Variants in RIN2 observed in about 807,000 individuals in gnomAD.
RIN2 encodes Ras and Rab interactor 2.
In RIN2, 36 loss-of-function variants were observed where a neutral mutation model predicts 78.0. That is an observed-to-expected ratio of 0.46 (90% CI 0.35 to 0.61). The LOEUF is 0.61. Ranked by LOEUF, RIN2 falls within the 20% of genes least tolerant of loss-of-function variation. The probability of loss-of-function intolerance (pLI) is 0.00; values close to 1 mark genes in which losing one functional copy is unlikely to be tolerated. For synonymous variants in RIN2, 466 were observed against 466.8 expected, an observed-to-expected ratio of 1.00 and a Z score of 0.02; for missense variants, 1,087 against 1,159.7, an observed-to-expected ratio of 0.94 and a Z score of 0.91.
At chr20:19,957,363 G>A (rs184670953) in intron 5 of RIN2, among the ~76,000 whole-genome samples, 6 of 152,162 alleles carry the variant, frequency 3.9e-5, no homozygotes, top group Non-Finnish European at 7.3e-5. Context: ...ACCACTCCAC[G>A]ACTTGTGGAA....
chr20:19,776,003 C>T (rs2034296666), intron 1 of RIN2, among the ~76,000 whole-genome samples: 1 of 152,220 alleles, frequency 6.6e-6, no homozygotes, highest in South Asian at 2.1e-4. Flanking sequence ...CTTACCCAGG[C>T]GTTCTCTGGC....
At chr20:19,981,995 C>T (rs2235894) in intron 9 of RIN2, among the ~76,000 whole-genome samples, 62,479 of 152,060 alleles carry the variant, frequency 0.41, 16,116 homozygotes, top group African/African-American at 0.72. Context: ...AGGAAGAATT[C>T]TCTGTTAAAC....
intron 1 of RIN2, among the ~76,000 whole-genome samples, chr20:19,778,069 T>C (rs543064789): frequency 3.1e-4 from 47 of 152,346 alleles, no homozygotes; most frequent in Middle Eastern, 3.4e-3. Flanking sequence ...TTCATTTGCT[T>C]GGGAAGGAAA....
At chr20:19,922,522 G>C (rs565350709) in intron 3 of RIN2, among the ~76,000 whole-genome samples, 1 of 152,212 alleles carries the variant, frequency 6.6e-6, no homozygotes, top group East Asian at 1.9e-4. Context: ...AAAGGTCCAA[G>C]ATAAAAAAGG....
At chr20:19,911,450 A>G (rs552057000) in intron 3 of RIN2, among the ~76,000 whole-genome samples, 39 of 152,316 alleles carry the variant, frequency 2.6e-4, no homozygotes, top group African/African-American at 8.2e-4. Flanking sequence ...CATTGGAGAC[A>G]CACCTGCGAC....
At chr20:19,831,151 A>T (rs945637113) in intron 2 of RIN2, among the ~76,000 whole-genome samples, 2 of 152,218 alleles carry the variant, frequency 1.3e-5, no homozygotes, top group Non-Finnish European at 2.9e-5. Flanking sequence ...CCACCCTCCC[A>T]GGGCACCCAA....
intron 2 of RIN2, among the ~76,000 whole-genome samples, chr20:19,876,176 C>T (rs1045648125): frequency 7.2e-5 from 11 of 152,196 alleles, no homozygotes; most frequent in African/African-American, 2.7e-4. Flanking sequence ...AAGCAGACTC[C>T]ACAAACCCTT....
chr20:19,836,108 G>A (rs940711676), intron 2 of RIN2, among the ~76,000 whole-genome samples: 1 of 152,170 alleles, frequency 6.6e-6, no homozygotes, highest in African/African-American at 2.4e-5. Context: ...ACAGAGCAGT[G>A]GTCTGAGCTC....
chr20:19,962,279 G>A (rs989761172), intron 6 of RIN2, among the ~76,000 whole-genome samples: 12 of 150,776 alleles, frequency 8.0e-5, no homozygotes, highest in Admixed American at 2.6e-4. Flanking sequence ...GAGCCAGACC[G>A]TGTCTTAAAA....
At chr20:19,875,765 T>G (rs1320435626) in intron 2 of RIN2, among the ~76,000 whole-genome samples, 1 of 151,854 alleles carries the variant, frequency 6.6e-6, no homozygotes, top group Non-Finnish European at 1.5e-5. Context: ...CCCAGCAGAA[T>G]GTGTCCTTTG....
chr20:19,827,455 GCTT>G, intron 2 of RIN2, among the ~76,000 whole-genome samples: 1 of 152,202 alleles, frequency 6.6e-6, no homozygotes, highest in Non-Finnish European at 1.5e-5. Flanking sequence ...GGAGCCCACA[GCTT>G]CATAGCTGGA....
intron 3 of RIN2, among the ~76,000 whole-genome samples, chr20:19,928,529 G>A (rs1170548670): frequency 1.3e-5 from 2 of 152,160 alleles, no homozygotes; most frequent in Non-Finnish European, 2.9e-5. Flanking sequence ...TTACAAAATG[G>A]TACAAATTAC....
chr20:19,783,700 A>G (rs1339835414), intron 1 of RIN2, among the ~76,000 whole-genome samples: 2 of 152,130 alleles, frequency 1.3e-5, no homozygotes, highest in Non-Finnish European at 2.9e-5. Flanking sequence ...TATGGAGTGT[A>G]TTATCAATAA....
At chr20:19,839,795 C>T (rs1388918092) in intron 2 of RIN2, among the ~76,000 whole-genome samples, 1 of 152,160 alleles carries the variant, frequency 6.6e-6, no homozygotes, top group Non-Finnish European at 1.5e-5. Context: ...ATCTAAAACA[C>T]TTGGCTTCAA....
At chr20:19,915,586 G>C (rs1200095507) in intron 3 of RIN2, among the ~76,000 whole-genome samples, 1 of 152,222 alleles carries the variant, frequency 6.6e-6, no homozygotes, top group East Asian at 1.9e-4. Flanking sequence ...TGTCTCAGCA[G>C]ATGTCCGCAT....
At chr20:19,966,440 C>G (rs1017167180) in intron 7 of RIN2, among the ~76,000 whole-genome samples, 1 of 151,986 alleles carries the variant, frequency 6.6e-6, no homozygotes, top group Non-Finnish European at 1.5e-5. Context: ...TCTCCTGCCT[C>G]AGCCTCCTGA....
chr20:19,858,937 G>A (rs1486243433), intron 2 of RIN2, among the ~76,000 whole-genome samples: 2 of 152,198 alleles, frequency 1.3e-5, no homozygotes, highest in East Asian at 3.8e-4. Context: ...CGGGACTGCT[G>A]CAAACACGGT....
In RIN2 at chr20:19,759,505, A is replaced by AT. The variant is rs1480662322; in HGVS notation, c.-163+1180dup. Among the ~76,000 whole-genome samples, 4 of 152,222 alleles carry AT rather than the reference A, an allele frequency of 2.6e-5. 1 individual carries two copies. The highest frequency in any genetic ancestry group is 9.6e-5 in the African/African-American group (4 of 41,456). ...AATACAATCTTTTTAACAAAACCAA[A>AT]TTGAATGTAAAAAATTCATGATAAG... On this transcript the variant is annotated intron_variant, in intron 1 of 12. Transcript: ENST00000255006.
At chr20:19,960,948 C>T (rs561554152) in intron 6 of RIN2, 137 bp downstream of exon 6, 13 of 610,324 alleles carry the variant, frequency 2.1e-5, no homozygotes, top group Non-Finnish European at 3.2e-5. Context: ...AGGCAGATAA[C>T]CTACTCCAGG....
Sources: allele counts gnomAD v4.1 joint callset (sites outside exome capture counted in the v4.1 genomes callset), GRCh38; gene constraint gnomAD v4.1.1; transcripts MANE v1.5; gene names NCBI Gene and HGNC (gene_info 2026-07-23, HGNC 2026-07-21).